GALNTL6: variants seen among roughly 807,000 people sequenced by gnomAD.
GALNTL6 encodes polypeptide N-acetylgalactosaminyltransferase like 6.
GALNTL6 carries 46 observed loss-of-function variants against 73.7 expected under a neutral mutation model. That is an observed-to-expected ratio of 0.62 (90% CI 0.49 to 0.80). GALNTL6 has a LOEUF of 0.80. Among genes scored for constraint, GALNTL6 ranks in the 30% least tolerant of loss-of-function variants. GALNTL6 has a pLI of 0.00. For missense variants in GALNTL6, 604 were observed against 755.0 expected (o/e 0.80, Z 2.34); for synonymous variants, 259 against 263.7 (o/e 0.98, Z 0.17).
At chr4:173,022,955 T>C (rs773379660) in intron 12 of GALNTL6, among the ~76,000 whole-genome samples, 16 of 152,210 alleles carry the variant, frequency 1.1e-4, no homozygotes, top group Non-Finnish European at 2.1e-4. Context: ...ATAAGCTCCA[T>C]TCTGCCCTCT....
chr4:172,159,593 T>TTA (rs1734391044), intron 2 of GALNTL6, among the ~76,000 whole-genome samples: 1 of 152,122 alleles, frequency 6.6e-6, no homozygotes, highest in African/African-American at 2.4e-5. Context: ...GACCTTTGGG[T>TTA]TGAAAACTTT....
chr4:172,188,864 A>G (rs565900871), intron 2 of GALNTL6, among the ~76,000 whole-genome samples: 2 of 152,334 alleles, frequency 1.3e-5, no homozygotes, highest in East Asian at 3.9e-4. Flanking sequence ...GCTAGAGTGT[A>G]GTGAGCAACA....
intron 5 of GALNTL6, chr4:172,668,148 T>A (rs912802950): frequency 3.3e-5 from 5 of 152,180 alleles, no homozygotes; most frequent in Admixed American, 6.5e-5. Flanking sequence ...GAAAAAAATG[T>A]GTTGCTCTTG....
chr4:172,828,297 CA>C (rs1742389574), intron 7 of GALNTL6, among the ~76,000 whole-genome samples: 1 of 145,932 alleles, frequency 6.9e-6, no homozygotes, highest in Non-Finnish European at 1.5e-5. Context: ...AAGAAACAAA[CA>C]AAAAAAACAT....
At chr4:172,331,379 A>G (rs1239976842) in intron 4 of GALNTL6, among the ~76,000 whole-genome samples, 1 of 150,968 alleles carries the variant, frequency 6.6e-6, no homozygotes, top group Non-Finnish European at 1.5e-5. Context: ...TCCCAGGTTC[A>G]AGCAATTCTT....
intron 7 of GALNTL6, among the ~76,000 whole-genome samples, chr4:172,826,441 C>T (rs1314662674): frequency 6.6e-6 from 1 of 152,224 alleles, no homozygotes; most frequent in East Asian, 1.9e-4. Context: ...ACATCTAATT[C>T]CTTCTACAAA....
At chr4:171,938,313 C>T (rs1484826630) in intron 2 of GALNTL6, among the ~76,000 whole-genome samples, 1 of 152,106 alleles carries the variant, frequency 6.6e-6, no homozygotes, top group Non-Finnish European at 1.5e-5. Flanking sequence ...TTTCTATAGC[C>T]TCTGCCTCTT....
At chr4:172,488,320 G>T (rs1281844361) in intron 5 of GALNTL6, among the ~76,000 whole-genome samples, 2 of 152,226 alleles carry the variant, frequency 1.3e-5, no homozygotes, top group African/African-American at 4.8e-5. Flanking sequence ...CAGAAACGCA[G>T]ATAGGGCCTA....
rs117774944 is a variant in GALNTL6 at position 171,839,324 on chromosome 4, A to T, written c.138+24606A>T. 2.0e-3 allele frequency among the ~76,000 whole-genome samples: 310 copies of T among 152,154 alleles called. 6 individuals are homozygous for T. The East Asian group carries it at 0.041, about 20-fold the overall frequency. Reference sequence around the variant, plus strand: ...CATATGATGCTACAATTTCTGATTTAAAAAAAATCTGCCTGACTGGTTGAT... The same window carrying T: ...CATATGATGCTACAATTTCTGATTTTAAAAAAATCTGCCTGACTGGTTGAT... On this transcript the variant is annotated intron_variant, in intron 2 of 12. Transcript: ENST00000506823.
At chr4:172,480,869 A>G (rs1250319350) in intron 5 of GALNTL6, among the ~76,000 whole-genome samples, 1 of 152,130 alleles carries the variant, frequency 6.6e-6, no homozygotes, top group East Asian at 1.9e-4. Context: ...CATGTCCTCC[A>G]CTAGACTAGC....
intron 2 of GALNTL6, among the ~76,000 whole-genome samples, chr4:172,147,462 G>A (rs1250916818): frequency 6.6e-6 from 1 of 152,168 alleles, no homozygotes; most frequent in East Asian, 1.9e-4. Flanking sequence ...ATGTGTGCGG[G>A]TGCACATAAA....
At chr4:172,172,847 A>G (rs904872409) in intron 2 of GALNTL6, among the ~76,000 whole-genome samples, 10 of 152,186 alleles carry the variant, frequency 6.6e-5, no homozygotes, top group Non-Finnish European at 1.5e-4. Flanking sequence ...TCTAAATGCA[A>G]TTTACTAATC....
chr4:172,359,225 T>C (rs943474712), intron 5 of GALNTL6, among the ~76,000 whole-genome samples: 6 of 152,176 alleles, frequency 3.9e-5, no homozygotes, highest in Admixed American at 3.3e-4. Context: ...GATCATATTC[T>C]TTGCTGGAAC....
intron 2 of GALNTL6, among the ~76,000 whole-genome samples, chr4:172,075,404 G>T (rs571851853): frequency 3.9e-5 from 6 of 152,032 alleles, no homozygotes; most frequent in East Asian, 1.9e-4. Context: ...GCGCGATCTC[G>T]GCTCACTGCA....
At chr4:172,239,656 A>G (rs183226641) in intron 3 of GALNTL6, among the ~76,000 whole-genome samples, 22 of 151,360 alleles carry the variant, frequency 1.5e-4, no homozygotes, top group African/African-American at 4.9e-4. Flanking sequence ...TTGTTTTTCT[A>G]TTTCCTCAAG....
At chr4:172,894,213 T>C (rs1459270971) in intron 8 of GALNTL6, among the ~76,000 whole-genome samples, 1 of 152,210 alleles carries the variant, frequency 6.6e-6, no homozygotes, top group African/African-American at 2.4e-5. Flanking sequence ...TTCTGATCTT[T>C]ATTATTTCTT....
At chr4:172,196,788 A>G (rs1042289919) in intron 2 of GALNTL6, among the ~76,000 whole-genome samples, 1 of 152,198 alleles carries the variant, frequency 6.6e-6, no homozygotes, top group South Asian at 2.1e-4. Context: ...TTGAAGGAAC[A>G]TACCTCAAAA....
intron 5 of GALNTL6, among the ~76,000 whole-genome samples, chr4:172,462,675 A>T (rs1202549087): frequency 6.6e-6 from 1 of 152,228 alleles, no homozygotes; most frequent in Non-Finnish European, 1.5e-5. Flanking sequence ...AGAGTACTGG[A>T]TTATATATTT....
At chr4:172,074,286 ATT>A (rs1731637529) in intron 2 of GALNTL6, among the ~76,000 whole-genome samples, 1 of 152,216 alleles carries the variant, frequency 6.6e-6, no homozygotes, top group Non-Finnish European at 1.5e-5. Flanking sequence ...ATCAGGTATC[ATT>A]GAGTATTGCA....
Sources: gnomAD v4.1 joint callset for allele counts (sites outside exome capture counted in the v4.1 genomes callset) on GRCh38, gnomAD v4.1.1 for gene constraint, MANE v1.5 for transcripts, NCBI Gene and HGNC (gene_info 2026-07-23, HGNC 2026-07-21) for gene names.